TPD52: variants seen among roughly 807,000 people sequenced by gnomAD.
TPD52 encodes the protein tumor protein D52.
A neutral mutation model predicts 31.3 loss-of-function variants in TPD52; 17 were observed. The observed-to-expected ratio is 0.54, with a 90% CI of 0.37 to 0.82. TPD52 has a LOEUF of 0.82. Among genes scored for constraint, TPD52 ranks in the 40% least tolerant of loss-of-function variants. The pLI, the probability that TPD52 is intolerant of heterozygous loss-of-function variation, is 0.00. For synonymous variants in TPD52, 83 were observed against 89.6 expected (o/e 0.93, Z 0.42); for missense variants, 212 against 240.1 (o/e 0.88, Z 0.77).
chr8:80,078,240 G>A (rs1294777295), intron 1 of TPD52, among the ~76,000 whole-genome samples: 5 of 152,144 alleles, frequency 3.3e-5, no homozygotes, highest in Non-Finnish European at 5.9e-5. Context: ...CCCCATGATG[G>A]CATTTTGGAT....
At chr8:80,114,389 G>A (rs1245154899) in intron 1 of TPD52, among the ~76,000 whole-genome samples, 1 of 151,994 alleles carries the variant, frequency 6.6e-6, no homozygotes, top group African/African-American at 2.4e-5. Context: ...AATATTGACT[G>A]CCTCCTCAAC....
At chr8:80,146,049 C>A (rs1810168973) in intron 1 of TPD52, among the ~76,000 whole-genome samples, 1 of 152,204 alleles carries the variant, frequency 6.6e-6, no homozygotes, top group African/African-American at 2.4e-5. Flanking sequence ...GGACGTAACA[C>A]CCACTTGCCC....
At chr8:80,034,635 TA>T (rs1157011845), downstream of TPD52, 1 of 152,174 alleles carries the variant, frequency 6.6e-6, no homozygotes. Flanking sequence ...GGAAGAATTC[TA>T]ATACTAAAAA....
chr8:80,031,105 A>G (rs1336593661), downstream of TPD52, among the ~76,000 whole-genome samples: 3 of 152,222 alleles, frequency 2.0e-5, no homozygotes, highest in Non-Finnish European at 2.9e-5. Flanking sequence ...TTTATTAATT[A>G]GTTGTCCGTC....
At chr8:80,122,846 A>G (rs900199085) in intron 1 of TPD52, 8 of 152,340 alleles carry the variant, frequency 5.3e-5, no homozygotes, top group African/African-American at 1.7e-4. Flanking sequence ...TTCAGTCAGA[A>G]GCAGGATTCA....
chr8:80,072,454 CAT>C (rs1171704302), intron 1 of TPD52, among the ~76,000 whole-genome samples: 23 of 38,928 alleles, frequency 5.9e-4, no homozygotes, highest in South Asian at 2.3e-3. Flanking sequence ...TACATGTACA[CAT>C]AGATATGCGT....
chr8:80,123,703 T>C (rs1003782268), intron 1 of TPD52, among the ~76,000 whole-genome samples: 1 of 152,310 alleles, frequency 6.6e-6, no homozygotes, highest in East Asian at 1.9e-4. Context: ...GAGCACAGAA[T>C]TGTAGCTGAA....
intron 1 of TPD52, among the ~76,000 whole-genome samples, chr8:80,141,929 A>T (rs1809857850): frequency 8.0e-6 from 1 of 125,336 alleles, no homozygotes. Context: ...ATAAAAATAA[A>T]AATAAAAAAA....
intron 1 of TPD52, among the ~76,000 whole-genome samples, chr8:80,139,507 T>C (rs1374093381): frequency 1.3e-5 from 2 of 152,126 alleles, no homozygotes; most frequent in African/African-American, 4.8e-5. Flanking sequence ...GTACAGTATA[T>C]GGTCCAGATT....
At chr8:80,164,892 A>C (rs111497432) in intron 1 of TPD52, among the ~76,000 whole-genome samples, 2,095 of 125,348 alleles carry the variant, frequency 0.017, 69 homozygotes, top group African/African-American at 0.062. Flanking sequence ...GAGGGAGACA[A>C]TGTCTCAAAA....
At chr8:80,070,577 C>T (rs1292745119) in intron 1 of TPD52, among the ~76,000 whole-genome samples, 4 of 152,086 alleles carry the variant, frequency 2.6e-5, no homozygotes, top group African/African-American at 9.7e-5. Flanking sequence ...AATCTAATGC[C>T]ACCACTGATC....
downstream of TPD52, among the ~76,000 whole-genome samples, chr8:80,031,670 C>T (rs1809697781): frequency 6.6e-6 from 1 of 152,010 alleles, no homozygotes; most frequent in African/African-American, 2.4e-5. Flanking sequence ...CCAGCTTGGG[C>T]CATAGCAAGA....
At position 80,039,802 on chromosome 8, in the gene TPD52, G is replaced by A. The variant is rs185074889; in HGVS notation, c.505-1567C>T. Among the ~76,000 whole-genome samples the A allele has an allele frequency of 1.3e-3, 198 of 151,922 alleles. 1 individual carries two copies. The highest frequency in any genetic ancestry group is 1.9e-3 in the Non-Finnish European group (130 of 67,940). On this transcript the variant is annotated intron_variant, in intron 7 of 7. Coordinates refer to ENST00000518937, the MANE Select transcript of TPD52 (RefSeq NM_001025253.3). ...TCCCTTCAACCTAAAATCCTCAATG[G>A]ACATTACTGAGTCCTCTAAGAGGTC...
chr8:80,160,309 C>T (rs868499877), intron 1 of TPD52, among the ~76,000 whole-genome samples: 1 of 152,096 alleles, frequency 6.6e-6, no homozygotes, highest in Non-Finnish European at 1.5e-5. Context: ...CTGGGGAAGT[C>T]GTGATCATTC....
At chr8:80,059,573 G>A (rs1281516894) in intron 2 of TPD52, among the ~76,000 whole-genome samples, 1 of 152,178 alleles carries the variant, frequency 6.6e-6, no homozygotes, top group East Asian at 1.9e-4. Context: ...GAAAAAGACA[G>A]CCAGGCGCAG....
intron 1 of TPD52, among the ~76,000 whole-genome samples, chr8:80,115,587 A>G (rs1271658588): frequency 2.0e-5 from 3 of 152,344 alleles, no homozygotes; most frequent in African/African-American, 4.8e-5. Context: ...TAGATTTTCA[A>G]TCAAGCTCCC....
At chr8:80,077,103 C>A (rs533344393) in intron 1 of TPD52, among the ~76,000 whole-genome samples, 1 of 152,104 alleles carries the variant, frequency 6.6e-6, no homozygotes, top group South Asian at 2.1e-4. Flanking sequence ...GGTGAAACCC[C>A]GTCTCTACTA....
intron 1 of TPD52, among the ~76,000 whole-genome samples, chr8:80,166,728 A>G (rs1291607283): frequency 6.6e-6 from 1 of 150,872 alleles, no homozygotes; most frequent in African/African-American, 2.4e-5. Flanking sequence ...ACATGATGAA[A>G]CCCCATCTCT....
At chr8:80,140,866 C>A (rs896551152) in intron 1 of TPD52, among the ~76,000 whole-genome samples, 10 of 152,082 alleles carry the variant, frequency 6.6e-5, no homozygotes, top group Middle Eastern at 6.8e-3. Context: ...TTTGATTTAA[C>A]CCTAAACTCA....
Sources: gnomAD v4.1 joint callset for allele counts (sites outside exome capture counted in the v4.1 genomes callset) on GRCh38, gnomAD v4.1.1 for gene constraint, MANE v1.5 for transcripts, NCBI Gene and HGNC (gene_info 2026-07-23, HGNC 2026-07-21) for gene names.